TRDN: variants seen among roughly 807,000 people sequenced by gnomAD.
TRDN encodes triadin in skeletal muscle.
A neutral mutation model predicts 149.7 loss-of-function variants in TRDN; 161 were observed. The ratio of observed to expected loss-of-function variants is 1.08; its 90% CI spans 0.95 to 1.23. The LOEUF (loss-of-function observed/expected upper bound fraction) is 1.23. Among genes scored for constraint, TRDN ranks in the 50% most tolerant of loss-of-function variants. The pLI, the probability that TRDN is intolerant of heterozygous loss-of-function variation, is 0.00. For synonymous variants in TRDN, 294 were observed against 250.5 expected (o/e 1.17, Z -1.64); for missense variants, 896 against 823.5 (o/e 1.09, Z -1.08).
At chr6:123,235,241 A>T (rs1365459429) in intron 38 of TRDN, among the ~76,000 whole-genome samples, 1 of 152,084 alleles carries the variant, frequency 6.6e-6, no homozygotes, top group Non-Finnish European at 1.5e-5. Context: ...TTCCCAAAGG[A>T]AGTTAGACTG....
intron 12 of TRDN, among the ~76,000 whole-genome samples, chr6:123,423,818 C>T (rs1774005039): frequency 6.6e-6 from 1 of 152,048 alleles, no homozygotes; most frequent in Non-Finnish European, 1.5e-5. Flanking sequence ...GTAAATACGG[C>T]CAATAGCATT....
In TRDN at chr6:123,631,512, T is replaced by A. The variant is rs945256721; in HGVS notation, c.22+5242A>T. ...ACTTCCTTGTCTGCTTTTACAAACA[T>A]AAGTATATTTCCAGACTACTCTGCT... On this transcript the variant is annotated intron_variant, in intron 1 of 40. Transcript: ENST00000334268. Among the ~76,000 whole-genome samples, 7 of 150,090 alleles carry A rather than the reference T, an allele frequency of 4.7e-5. No homozygotes were observed. In the South Asian group the frequency reaches 1.5e-3, roughly 32 times the overall value.
chr6:123,275,552 A>G (rs565048409), intron 26 of TRDN, among the ~76,000 whole-genome samples: 1 of 152,308 alleles, frequency 6.6e-6, no homozygotes, highest in East Asian at 1.9e-4. Context: ...AAGCAACACA[A>G]TTTGTGATAT....
intron 8 of TRDN, 47 bp from the exon 9 acceptor site, chr6:123,497,299 C>T (rs1044531829): frequency 7.9e-7 from 1 of 1,269,288 alleles, no homozygotes; most frequent in African/African-American, 1.6e-5. Context: ...GTCATCAACA[C>T]TTCATTTTTC....
intron 40 of TRDN, 121 bp from the exon 41 acceptor site, chr6:123,218,861 G>C (rs1775038129): frequency 1.9e-6 from 2 of 1,041,852 alleles, no homozygotes; most frequent in Non-Finnish European, 2.7e-6. Context: ...GTAGCTGTTG[G>C]CAAGTTACTA....
Position 123,538,620 on chromosome 6 carries a change from G to A in TRDN, c.425-8055C>T, listed in dbSNP as rs574347902. On this transcript the variant is annotated intron_variant, in intron 4 of 40. Transcript: ENST00000334268. ...CAGTGATAAGAAGATATTAAGAACA[G>A]TTTCTTTCAGAGATGTTGAAGCCCA... Among the ~76,000 whole-genome samples the A allele has an allele frequency of 2.3e-4, 35 of 152,158 alleles. No individual in the cohort carries two copies. In the South Asian group the frequency reaches 5.8e-3, roughly 25 times the overall value.
chr6:123,542,884 G>GTGTGTC (rs1554255643), intron 4 of TRDN, among the ~76,000 whole-genome samples: 2 of 148,878 alleles, frequency 1.3e-5, no homozygotes, highest in African/African-American at 5.1e-5. Flanking sequence ...GTGTGTGTGT[G>GTGTGTC]TGTCTGTCTG....
intron 20 of TRDN, among the ~76,000 whole-genome samples, chr6:123,362,738 A>G (rs1267166024): frequency 6.6e-6 from 1 of 152,146 alleles, no homozygotes; most frequent in Non-Finnish European, 1.5e-5. Context: ...AATACAAAAA[A>G]CTTTCATTGA....
intron 1 of TRDN, among the ~76,000 whole-genome samples, chr6:123,617,547 C>G (rs920603422): frequency 1.3e-5 from 2 of 152,070 alleles, no homozygotes; most frequent in Non-Finnish European, 2.9e-5. Context: ...TGCTAGATAA[C>G]TTCATTTCTT....
At chr6:123,580,925 A>T (rs771466685) in intron 1 of TRDN, among the ~76,000 whole-genome samples, 1 of 152,082 alleles carries the variant, frequency 6.6e-6, no homozygotes, top group African/African-American at 2.4e-5. Flanking sequence ...ACTAGAATTC[A>T]TTTCTTAATT....
At chr6:123,296,815 C>T (rs1778218939) in intron 24 of TRDN, among the ~76,000 whole-genome samples, 1 of 151,910 alleles carries the variant, frequency 6.6e-6, no homozygotes, top group South Asian at 2.1e-4. Context: ...CAATGCTGAA[C>T]ATCAGGGAAA....
At chr6:123,503,609 C>A in intron 8 of TRDN, 110 bp downstream of exon 8, 3 of 1,525,494 alleles carry the variant, frequency 2.0e-6, no homozygotes, top group Non-Finnish European at 1.8e-6. Flanking sequence ...TGTCTTTTAC[C>A]CCCATTTGAA....
chr6:123,478,019 T>C (rs1777578850), intron 9 of TRDN, among the ~76,000 whole-genome samples: 1 of 150,838 alleles, frequency 6.6e-6, no homozygotes, highest in South Asian at 2.1e-4. Context: ...GTAACTAACC[T>C]GCACAATGTG....
At position 123,366,133 on chromosome 6, in the gene TRDN, A is replaced by G. The variant is rs772232730; in HGVS notation, c.1321+2T>C. ...ACATCTTTATCTTTAAGCTGCATTT[A>G]CCTTTTTTAATTGAAACCGCACCAA... On this transcript the variant is annotated splice_donor_variant, in intron 20 of 40. Coordinates refer to ENST00000334268, the MANE Select transcript of TRDN (RefSeq NM_006073.4). LOFTEE classifies it high-confidence loss of function. 3 of 1,611,002 alleles carry G rather than the reference A, an allele frequency of 1.9e-6. No individual in the cohort carries two copies. The highest frequency in any genetic ancestry group is 2.7e-5 in the African/African-American group (2 of 74,854).
At position 123,547,143 on chromosome 6, in the gene TRDN, A is replaced by G. The variant is rs73536772; in HGVS notation, c.424+197T>C. Among the ~76,000 whole-genome samples the G allele has an allele frequency of 0.032, 4,839 of 152,136 alleles. 107 individuals are homozygous for G. The highest frequency in any genetic ancestry group is 0.066 in the African/African-American group (2,742 of 41,528). ...ACAAATCTACTGAATAAGGCATTTA[A>G]AAAATAATCAACAGAAAAGTAGTGA... On this transcript the variant is annotated intron_variant, in intron 4 of 40. Transcript: ENST00000334268.
At chr6:123,351,571 G>A in intron 21 of TRDN, 1 of 979,030 alleles carries the variant, frequency 1.0e-6, no homozygotes, top group Non-Finnish European at 1.2e-6. Flanking sequence ...AAAAGCCCAA[G>A]GAAATAAATT....
intron 20 of TRDN, among the ~76,000 whole-genome samples, chr6:123,364,129 C>G (rs1342152394): frequency 6.6e-6 from 1 of 152,208 alleles, no homozygotes; most frequent in Non-Finnish European, 1.5e-5. Context: ...TGAGCCTACT[C>G]TGGCTCAGGA....
At chr6:123,547,194 G>T in intron 4 of TRDN, 146 bp downstream of exon 4, 3 of 510,716 alleles carry the variant, frequency 5.9e-6, no homozygotes, top group Non-Finnish European at 1.0e-5. Context: ...AAAAGAAATT[G>T]AGTATTTTTT....
intron 20 of TRDN, among the ~76,000 whole-genome samples, chr6:123,362,051 C>T (rs564095149): frequency 1.3e-5 from 2 of 152,146 alleles, no homozygotes; most frequent in Admixed American, 6.5e-5. Flanking sequence ...AAGTCTTTAG[C>T]TTTTCTTTTT....
Sources: allele counts gnomAD v4.1 joint callset (sites outside exome capture counted in the v4.1 genomes callset), GRCh38; gene constraint gnomAD v4.1.1; transcripts MANE v1.5; gene names NCBI Gene and HGNC (gene_info 2026-07-23, HGNC 2026-07-21).